TMEM135: variants seen among roughly 807,000 people sequenced by gnomAD.
TMEM135 encodes the protein transmembrane protein 135.
TMEM135 carries 30 observed loss-of-function variants against 60.3 expected under a neutral mutation model. The observed-to-expected ratio is 0.50, with a 90% CI of 0.37 to 0.68. The LOEUF (loss-of-function observed/expected upper bound fraction) is 0.68, where lower values mean the gene tolerates loss of function less well. Among genes scored for constraint, TMEM135 ranks in the 30% least tolerant of loss-of-function variants. The pLI is 0.00. For synonymous variants in TMEM135, 190 were observed against 186.7 expected (o/e 1.02, Z -0.14); for missense variants, 468 against 548.8 (o/e 0.85, Z 1.47).
At chr11:87,125,748 A>T (rs1937708145) in intron 4 of TMEM135, among the ~76,000 whole-genome samples, 1 of 152,204 alleles carries the variant, frequency 6.6e-6, no homozygotes, top group Admixed American at 6.5e-5. Flanking sequence ...GGGAAGAAGT[A>T]ATTGTAAAGG....
chr11:87,201,320 C>A (rs774187609), intron 5 of TMEM135, among the ~76,000 whole-genome samples: 15 of 152,126 alleles, frequency 9.9e-5, no homozygotes, highest in Non-Finnish European at 2.2e-4. Context: ...TGTCTTTTTA[C>A]ATCCTTCATG....
At chr11:87,218,851 A>G (rs778043355) in intron 5 of TMEM135, among the ~76,000 whole-genome samples, 1 of 152,150 alleles carries the variant, frequency 6.6e-6, no homozygotes, top group Non-Finnish European at 1.5e-5. Flanking sequence ...GATCCCAGCT[A>G]TTCGGGAGGC....
At chr11:87,293,172 T>C (rs1167272263) in intron 6 of TMEM135, among the ~76,000 whole-genome samples, 4 of 152,196 alleles carry the variant, frequency 2.6e-5, no homozygotes, top group Non-Finnish European at 5.9e-5. Context: ...CTTCATCAGA[T>C]GGAAAAAGAT....
intron 6 of TMEM135, among the ~76,000 whole-genome samples, chr11:87,291,391 G>T (rs1942258348): frequency 6.6e-6 from 1 of 151,934 alleles, no homozygotes; most frequent in Non-Finnish European, 1.5e-5. Context: ...GAGAATTTCA[G>T]TCAGCTCTAC....
In TMEM135 at chr11:87,154,084, A is replaced by G. The variant is rs189174777; in HGVS notation, c.397-3257A>G. On this transcript the variant is annotated intron_variant, in intron 4 of 14. Coordinates refer to ENST00000305494, the MANE Select transcript of TMEM135 (RefSeq NM_022918.4). ...GCGTTCACTACTACTATCCATCTCC[A>G]GAACTTTGTCATTAAACTGAAACTC... Among the ~76,000 whole-genome samples the G allele has an allele frequency of 4.7e-3, 712 of 152,290 alleles. 1 individual carries two copies. Among genetic ancestry groups the G allele is most frequent in the Non-Finnish European group, 7.1e-3 (484 of 68,014 alleles).
At chr11:87,267,987 C>T (rs560205938) in intron 6 of TMEM135, among the ~76,000 whole-genome samples, 6 of 150,566 alleles carry the variant, frequency 4.0e-5, no homozygotes, top group East Asian at 2.0e-4. Flanking sequence ...CCACCACGCC[C>T]GGCCATGATC....
chr11:87,270,604 G>C (rs146674250), intron 6 of TMEM135, among the ~76,000 whole-genome samples: 32 of 152,146 alleles, frequency 2.1e-4, no homozygotes, highest in African/African-American at 7.7e-4. Flanking sequence ...ATATGAAGAG[G>C]AATTAAATCA....
chr11:87,302,568 T>C, intron 8 of TMEM135, 126 bp downstream of exon 8: 3 of 1,223,504 alleles, frequency 2.5e-6, no homozygotes, highest in South Asian at 2.5e-5. Flanking sequence ...AAACTGTGCA[T>C]AGAATTTTAT....
chr11:87,142,835 TTTC>T (rs1938303744), intron 4 of TMEM135, among the ~76,000 whole-genome samples: 1 of 151,892 alleles, frequency 6.6e-6, no homozygotes, highest in South Asian at 2.1e-4. Context: ...TTCCTTCTCC[TTTC>T]TTCTTCTTTT....
At position 87,203,027 on chromosome 11, in the gene TMEM135, C is replaced by T. The variant is rs553137825; in HGVS notation, c.463-33611C>T. ...CAGCCTGGGCGACAGAGTGAGACTC[C>T]GTCTCAAAAAAAAAAAAAAAAAAAA... On this transcript the variant is annotated intron_variant, in intron 5 of 14. Transcript: ENST00000305494. Among the ~76,000 whole-genome samples the T allele has an allele frequency of 9.6e-3, 1,064 of 110,356 alleles. 8 individuals are homozygous for T. The highest frequency in any genetic ancestry group is 0.015 in the Non-Finnish European group (863 of 58,600). The allele number at this position is 110,356 out of a possible 152,430, so 72.4% of individuals were successfully genotyped here. A position where few individuals can be genotyped will look rare whatever the true frequency, so the allele number is the denominator to read the frequency against.
chr11:87,126,848 CTTA>C (rs1445112942), intron 4 of TMEM135, among the ~76,000 whole-genome samples: 3 of 151,894 alleles, frequency 2.0e-5, no homozygotes, highest in African/African-American at 7.3e-5. Flanking sequence ...ATTCTGAATT[CTTA>C]TTAGAGTAAT....
At chr11:87,298,999 A>C (rs1942398242) in intron 7 of TMEM135, among the ~76,000 whole-genome samples, 1 of 151,930 alleles carries the variant, frequency 6.6e-6, no homozygotes, top group Non-Finnish European at 1.5e-5. Context: ...GAGGCAGGAG[A>C]ATTGCTTGAA....
chr11:87,203,987 C>T (rs1164113051), intron 5 of TMEM135, among the ~76,000 whole-genome samples: 1 of 152,054 alleles, frequency 6.6e-6, no homozygotes, highest in Non-Finnish European at 1.5e-5. Context: ...CTCCACTACT[C>T]AGTTTTTACT....
chr11:87,253,328 G>A (rs1941458409), intron 6 of TMEM135, among the ~76,000 whole-genome samples: 1 of 152,086 alleles, frequency 6.6e-6, no homozygotes, highest in Non-Finnish European at 1.5e-5. Context: ...GACCCCTAAG[G>A]TAAGGACTTA....
chr11:87,155,670 A>G (rs1565464631), intron 4 of TMEM135, among the ~76,000 whole-genome samples: 1 of 152,118 alleles, frequency 6.6e-6, no homozygotes, highest in African/African-American at 2.4e-5. Flanking sequence ...AGGCTTTTGG[A>G]GTGTGCCAGA....
chr11:87,155,560 T>C (rs1368725814), intron 4 of TMEM135, among the ~76,000 whole-genome samples: 1 of 152,116 alleles, frequency 6.6e-6, no homozygotes, highest in Non-Finnish European at 1.5e-5. Flanking sequence ...AGACATCAGA[T>C]TGTAGCAGAG....
intron 6 of TMEM135, among the ~76,000 whole-genome samples, chr11:87,262,615 A>G (rs1365338439): frequency 6.6e-6 from 1 of 152,284 alleles, no homozygotes; most frequent in Non-Finnish European, 1.5e-5. Context: ...TGTTGTATCA[A>G]TCAGCTACTG....
chr11:87,270,627 G>C (rs1941845524), intron 6 of TMEM135, among the ~76,000 whole-genome samples: 1 of 152,084 alleles, frequency 6.6e-6, no homozygotes, highest in Non-Finnish European at 1.5e-5. Flanking sequence ...CCCACCATAT[G>C]ATTTGTCATA....
At position 87,323,590 on chromosome 11, in the gene TMEM135, CA is replaced by C. The variant is rs1275532186; in HGVS notation, c.*2258del. 2.2e-6 allele frequency: 1 copy of C among 453,672 alleles called. No individual in the cohort carries two copies. Among genetic ancestry groups the C allele is most frequent in the East Asian group, 6.9e-5 (1 of 14,394 alleles). The allele number at this position is 453,672 out of a possible 1,614,324, so 28.1% of individuals were successfully genotyped here. A position where few individuals can be genotyped will look rare whatever the true frequency, so the allele number is the denominator to read the frequency against. On this transcript the variant is annotated 3_prime_UTR_variant, in exon 15 of 15. Transcript: ENST00000305494. ...GGTAAGTTTTCACTGGAACTGATTACAGTAAACAATAATATGTCCCCTTAGT... is the reference window on the plus strand; with the variant it reads ...GGTAAGTTTTCACTGGAACTGATTACGTAAACAATAATATGTCCCCTTAGT...
Sources: gnomAD v4.1 joint callset for allele counts (sites outside exome capture counted in the v4.1 genomes callset) on GRCh38, gnomAD v4.1.1 for gene constraint, MANE v1.5 for transcripts, NCBI Gene and HGNC (gene_info 2026-07-23, HGNC 2026-07-21) for gene names.